The following RUFY4 variants were observed in gnomAD, a reference collection of about 807,000 sequenced individuals.
The protein encoded by RUFY4 is RUN and FYVE domain containing 4.
A neutral mutation model predicts 69.0 loss-of-function variants in RUFY4; 73 were observed. The observed-to-expected ratio is 1.06, with a 90% CI of 0.88 to 1.29. The LOEUF is 1.29. Ranked by LOEUF, RUFY4 falls within the 50% of genes most tolerant of loss-of-function variation. The pLI is 0.00. For synonymous variants in RUFY4, 287 were observed against 271.8 expected (o/e 1.06, Z -0.55); for missense variants, 770 against 705.6 (o/e 1.09, Z -1.03).
intron 3 of RUFY4, chr2:218,060,351 G>C: frequency 6.5e-7 from 1 of 1,538,694 alleles, no homozygotes; most frequent in Non-Finnish European, 8.7e-7. Flanking sequence ...AGAGAGTAGT[G>C]GAAGTGTGCC....
At chr2:218,067,865 G>A (rs944353139), upstream of RUFY4, among the ~76,000 whole-genome samples, 1 of 152,200 alleles carries the variant, frequency 6.6e-6, no homozygotes. Context: ...CCTCATCCGT[G>A]TCAAAGCTGG....
At chr2:218,069,319 C>G (rs549426185), upstream of RUFY4, 16 of 152,444 alleles carry the variant, frequency 1.0e-4, 1 homozygote, top group South Asian at 6.2e-4. Context: ...GAGCTGCGCT[C>G]TCGTGCCCCA....
intron 9 of RUFY4, among the ~76,000 whole-genome samples, chr2:218,086,791 G>A (rs1161764898): frequency 6.6e-6 from 1 of 152,092 alleles, no homozygotes; most frequent in African/African-American, 2.4e-5. Context: ...GATGACAAGT[G>A]GGCAGCAATC....
At chr2:218,072,693 A>G in intron 3 of RUFY4, 86 bp from the exon 6 acceptor site, 1 of 1,308,170 alleles carries the variant, frequency 7.6e-7, no homozygotes, top group Non-Finnish European at 1.0e-6. Context: ...TCCCATTGCC[A>G]AGCACTTCCA....
chr2:218,070,022 T>C (rs1285106280), upstream of RUFY4, among the ~76,000 whole-genome samples: 3 of 152,092 alleles, frequency 2.0e-5, no homozygotes, highest in African/African-American at 7.2e-5. Flanking sequence ...AAAGAACACA[T>C]ATTTTCCATT....
chr2:218,072,722 ACCTGGGCGC>A (rs1689518851), intron 3 of RUFY4, 48 bp from the exon 6 acceptor site: 2 of 1,376,860 alleles, frequency 1.5e-6, no homozygotes, highest in East Asian at 5.0e-5. Flanking sequence ...TCTCTGTGTT[ACCTGGGCGC>A]CCTTTGTCCT....
chr2:218,067,631 C>T (rs561363312), upstream of RUFY4, among the ~76,000 whole-genome samples: 1 of 152,164 alleles, frequency 6.6e-6, no homozygotes, highest in Non-Finnish European at 1.5e-5. Flanking sequence ...GAGTCACAGG[C>T]AAGCTCCAGG....
At chr2:218,073,827 C>T in exon 6 of RUFY4, 2 of 1,613,986 alleles carry the variant, frequency 1.2e-6, no homozygotes, top group Non-Finnish European at 1.7e-6. Context: ...TCACGCTGCT[C>T]CAGTTCCACC....
In RUFY4 at chr2:218,046,294, CCTGT is replaced by C. The variant is rs201116998; in HGVS notation, c.-1158+10903_-1158+10906del. On this transcript the variant is annotated intron_variant and NMD_transcript_variant, in intron 2 of 13. Coordinates refer to the RUFY4 transcript ENST00000457754. ...GCTAGAGACACTAGAATTTATTCCT[CCTGT>C]CTAATTGTGTATCCTGTAATTGTAT... Among the ~76,000 whole-genome samples the C allele has an allele frequency of 4.7e-3, 721 of 152,166 alleles. 7 individuals are homozygous for C. Among genetic ancestry groups the C allele is most frequent in the African/African-American group, 0.016 (657 of 41,528 alleles).
intron 7 of RUFY4, 143 bp downstream of exon 9, chr2:218,075,883 C>T (rs1003812498): frequency 2.0e-4 from 162 of 829,756 alleles, no homozygotes; most frequent in Middle Eastern, 4.0e-4. Flanking sequence ...TTTGGGGATG[C>T]CTTTGAAAGC....
chr2:218,055,939 AAAATT>A (rs1689051763), intron 2 of RUFY4, among the ~76,000 whole-genome samples: 1 of 152,238 alleles, frequency 6.6e-6, no homozygotes, highest in Non-Finnish European at 1.5e-5. Context: ...TGCTATCATT[AAAATT>A]TCACAAATTA....
chr2:218,054,921 T>C (rs1232074616), intron 2 of RUFY4, among the ~76,000 whole-genome samples: 2 of 152,218 alleles, frequency 1.3e-5, no homozygotes, highest in African/African-American at 4.8e-5. Flanking sequence ...GACAATATAG[T>C]TATTCACATA....
At chr2:218,078,054 C>T (rs1019699289) in intron 8 of RUFY4, among the ~76,000 whole-genome samples, 14 of 152,340 alleles carry the variant, frequency 9.2e-5, no homozygotes, top group Admixed American at 3.9e-4. Context: ...TGTGCACCCA[C>T]TCTGAGCCAG....
At chr2:218,050,825 A>C (rs1688927126) in intron 2 of RUFY4, among the ~76,000 whole-genome samples, 1 of 152,156 alleles carries the variant, frequency 6.6e-6, no homozygotes, top group African/African-American at 2.4e-5. Context: ...ACCTTTAGTG[A>C]TTTTCTTTGA....
intron 2 of RUFY4, among the ~76,000 whole-genome samples, chr2:218,044,336 A>G (rs750742988): frequency 6.6e-6 from 1 of 152,342 alleles, no homozygotes; most frequent in African/African-American, 2.4e-5. Flanking sequence ...TAATAAATCT[A>G]TATATGCTAT....
intron 2 of RUFY4, among the ~76,000 whole-genome samples, chr2:218,036,503 T>A (rs1284835569): frequency 6.6e-6 from 1 of 152,152 alleles, no homozygotes; most frequent in Non-Finnish European, 1.5e-5. Flanking sequence ...ACAGTTCCAA[T>A]TTGAACCAAC....
intron 3 of RUFY4, among the ~76,000 whole-genome samples, chr2:218,061,753 A>G (rs1048638190): frequency 3.9e-5 from 6 of 152,196 alleles, no homozygotes; most frequent in African/African-American, 1.4e-4. Context: ...ACTCAATCCT[A>G]CTTGGATCCC....
At chr2:218,039,953 T>A (rs984073222) in intron 2 of RUFY4, among the ~76,000 whole-genome samples, 4 of 152,168 alleles carry the variant, frequency 2.6e-5, no homozygotes, top group Non-Finnish European at 5.9e-5. Context: ...AAGTGCAGTC[T>A]TCCACCTCCT....
At chr2:218,083,803 G>A (rs1395271346) in intron 9 of RUFY4, among the ~76,000 whole-genome samples, 2 of 151,606 alleles carry the variant, frequency 1.3e-5, no homozygotes, top group East Asian at 3.9e-4. Flanking sequence ...ATTGTATAGA[G>A]TCCCCTGAAA....
Sources: allele counts gnomAD v4.1 joint callset (sites outside exome capture counted in the v4.1 genomes callset), GRCh38; gene constraint gnomAD v4.1.1; transcripts MANE v1.5; gene names NCBI Gene and HGNC (gene_info 2026-07-23, HGNC 2026-07-21).